SLCO6A1: variants seen among roughly 807,000 people sequenced by gnomAD.
SLCO6A1 encodes solute carrier organic anion transporter family member 6A1, also known as cancer/testis antigen 48.
Under a neutral mutation model 72.7 loss-of-function variants are expected in SLCO6A1, and 65 were observed. The ratio of observed to expected loss-of-function variants is 0.89; its 90% CI spans 0.73 to 1.10. The LOEUF is 1.10. Among genes scored for constraint, SLCO6A1 ranks in the 50% least tolerant of loss-of-function variants. The pLI is 0.00. For synonymous variants in SLCO6A1, 314 were observed against 298.2 expected, an observed-to-expected ratio of 1.05 and a Z score of -0.55; for missense variants, 874 against 872.6, an observed-to-expected ratio of 1.00 and a Z score of -0.02.
chr5:102,468,370 G>A (rs1751415312), intron 4 of SLCO6A1, among the ~76,000 whole-genome samples: 2 of 151,970 alleles, frequency 1.3e-5, no homozygotes, highest in Non-Finnish European at 2.9e-5. Flanking sequence ...TATATTTTAA[G>A]TCCATTGTTT....
chr5:102,477,721 A>T lies in SLCO6A1; in HGVS notation c.757T>A (p.Phe253Ile). 1.2e-6 allele frequency: 2 copies of T among 1,613,688 alleles called. No homozygotes were observed. The highest frequency in any genetic ancestry group is 4.5e-5 in the East Asian group (2 of 44,846). The change falls in exon 3 of 14, where the codon TTT becomes ATT. Residue 253 changes from phenylalanine (F) to isoleucine (I), a missense_variant. Coordinates refer to ENST00000506729, the MANE Select transcript of SLCO6A1 (RefSeq NM_173488.5). ...GMPLYILGITFIDENVATHSA... is the reference protein window; with the variant it reads ...GMPLYILGITIIDENVATHSA... ...TGTGTAGCAACATTCTCATCAATAA[A>T]GGTTATTCCAAGGATATAAAGAGGC...
intron 1 of SLCO6A1, among the ~76,000 whole-genome samples, chr5:102,483,782 G>T (rs1163833522): frequency 6.6e-6 from 1 of 152,086 alleles, no homozygotes; most frequent in African/African-American, 2.4e-5. Flanking sequence ...TACAGGATTT[G>T]GGGTTTCATG....
chr5:102,445,342 TG>T (rs1750051297), intron 6 of SLCO6A1, among the ~76,000 whole-genome samples: 1 of 152,194 alleles, frequency 6.6e-6, no homozygotes, highest in Non-Finnish European at 1.5e-5. Flanking sequence ...ATTTTTCATA[TG>T]TTTTTTGGCC....
chr5:102,378,145 G>A (rs1477282778), intron 12 of SLCO6A1, among the ~76,000 whole-genome samples: 2 of 151,720 alleles, frequency 1.3e-5, no homozygotes, highest in Non-Finnish European at 2.9e-5. Flanking sequence ...GATTTGCAAA[G>A]TAATTTTCTT....
chr5:102,495,421 C>T (rs189500483), intron 1 of SLCO6A1, among the ~76,000 whole-genome samples: 111 of 149,450 alleles, frequency 7.4e-4, no homozygotes, highest in Middle Eastern at 6.8e-3. Context: ...CGGTGAAACC[C>T]CATCTCTATT....
At chr5:102,431,060 A>G (rs1749190891) in intron 7 of SLCO6A1, among the ~76,000 whole-genome samples, 1 of 151,914 alleles carries the variant, frequency 6.6e-6, no homozygotes, top group South Asian at 2.1e-4. Context: ...CATTTTTTCT[A>G]GATTTTCTAG....
Position 102,411,641 on chromosome 5 carries a change from TG to T in SLCO6A1, c.1626+1348del, listed in dbSNP as rs544150763. Among the ~76,000 whole-genome samples, 1,230 of 152,128 alleles carry T rather than the reference TG, an allele frequency of 8.1e-3. 11 individuals are homozygous for T. Among genetic ancestry groups the T allele is most frequent in the Non-Finnish European group, 0.015 (1,005 of 68,004 alleles). ...TGCCCAAACTCCTATCTAAGGGATC[TG>T]GGGACTCATGCCCTTCAAACCATAA... On this transcript the variant is annotated intron_variant, in intron 9 of 13. Coordinates refer to ENST00000506729, the MANE Select transcript of SLCO6A1 (RefSeq NM_173488.5).
intron 3 of SLCO6A1, among the ~76,000 whole-genome samples, chr5:102,476,312 A>C (rs1561492784): frequency 6.6e-6 from 1 of 152,200 alleles, no homozygotes; most frequent in East Asian, 1.9e-4. Context: ...AAATACAATT[A>C]TGAGGCCTAG....
At chr5:102,471,313 A>T (rs551826263) in intron 4 of SLCO6A1, among the ~76,000 whole-genome samples, 11 of 152,170 alleles carry the variant, frequency 7.2e-5, no homozygotes, top group African/African-American at 2.2e-4. Flanking sequence ...CAAGCTGAAC[A>T]TAAATCAATA....
At chr5:102,457,694 C>T (rs984903592) in intron 6 of SLCO6A1, among the ~76,000 whole-genome samples, 4 of 152,242 alleles carry the variant, frequency 2.6e-5, no homozygotes, top group South Asian at 2.1e-4. Context: ...GTCAATGTGG[C>T]GATTCCTCAG....
intron 7 of SLCO6A1, among the ~76,000 whole-genome samples, chr5:102,421,242 C>T (rs1748584217): frequency 6.6e-6 from 1 of 151,916 alleles, no homozygotes; most frequent in African/African-American, 2.4e-5. Context: ...TTTCATACCC[C>T]AGTGGCACCT....
At chr5:102,414,933 AAATAAATT>A (rs1360908336) in intron 8 of SLCO6A1, among the ~76,000 whole-genome samples, 1 of 74,100 alleles carries the variant, frequency 1.3e-5, no homozygotes, top group Admixed American at 1.4e-4. Context: ...ATAAATAAAT[AAATAAATT>A]AATTAATAAG....
chr5:102,430,627 C>A (rs1441369580), intron 7 of SLCO6A1, among the ~76,000 whole-genome samples: 3 of 152,134 alleles, frequency 2.0e-5, no homozygotes, highest in Non-Finnish European at 4.4e-5. Flanking sequence ...TTTAACCAAT[C>A]TTGCATTACA....
chr5:102,443,923 G>C (rs1749973829), intron 6 of SLCO6A1, among the ~76,000 whole-genome samples: 1 of 152,182 alleles, frequency 6.6e-6, no homozygotes, highest in Non-Finnish European at 1.5e-5. Flanking sequence ...GTAGCAGACA[G>C]TGCTATTCAA....
At chr5:102,463,806 A>G (rs1390870705) in intron 4 of SLCO6A1, among the ~76,000 whole-genome samples, 1 of 152,094 alleles carries the variant, frequency 6.6e-6, no homozygotes, top group African/African-American at 2.4e-5. Context: ...GAATTGCTTA[A>G]ACCCAGGAGG....
At chr5:102,495,810 T>A (rs1256951739) in intron 1 of SLCO6A1, among the ~76,000 whole-genome samples, 1 of 151,320 alleles carries the variant, frequency 6.6e-6, no homozygotes, top group Non-Finnish European at 1.5e-5. Flanking sequence ...AAGGCCTGAG[T>A]CTGGTCATCA....
At chr5:102,409,054 C>CA (rs1009767977) in intron 9 of SLCO6A1, among the ~76,000 whole-genome samples, 3 of 151,376 alleles carry the variant, frequency 2.0e-5, no homozygotes, top group African/African-American at 4.9e-5. Flanking sequence ...GGGGAGATCA[C>CA]AAAAAAAGCC....
At chr5:102,432,064 AT>A (rs1339168845) in intron 7 of SLCO6A1, among the ~76,000 whole-genome samples, 1 of 151,754 alleles carries the variant, frequency 6.6e-6, no homozygotes, top group African/African-American at 2.4e-5. Flanking sequence ...TTTTTCATTC[AT>A]TTTCCCCTTC....
chr5:102,478,001 A>T, intron 2 of SLCO6A1, 140 bp from the exon 3 acceptor site: 1 of 788,384 alleles, frequency 1.3e-6, no homozygotes, highest in Non-Finnish European at 2.0e-6. Flanking sequence ...TTTACATTGA[A>T]TGTAGTAGTA....
Sources: allele counts gnomAD v4.1 joint callset (sites outside exome capture counted in the v4.1 genomes callset), GRCh38; gene constraint gnomAD v4.1.1; transcripts MANE v1.5; gene names NCBI Gene and HGNC (gene_info 2026-07-23, HGNC 2026-07-21).